The following GARIN5B variants were observed in gnomAD, a reference collection of about 807,000 sequenced individuals.
GARIN5B encodes golgi associated RAB2 interactor family member 5B, also known as Golgi-associated RAB2 interactor protein 5B.
chr19:55,357,865 C>G, the GARIN5B span, among the ~76,000 whole-genome samples: 2 of 152,126 alleles, frequency 1.3e-5, no homozygotes, highest in African/African-American at 4.8e-5. Context: ...ACCAGCCTGG[C>G]CAACATGGTG....
the GARIN5B span, chr19:55,363,022 G>T: frequency 6.7e-7 from 1 of 1,495,396 alleles, no homozygotes; most frequent in South Asian, 1.3e-5. The surrounding 1 kb of genome is among the most constrained non-coding windows in gnomAD (Gnocchi z 4.0). Context: ...ACTTCGGGGT[G>T]CCCTGGAGCG....
chr19:55,358,639 GC>G, the GARIN5B span: 1 of 1,551,352 alleles, frequency 6.4e-7, no homozygotes, highest in East Asian at 2.4e-5. Context: ...AGGACAGCTG[GC>G]CGGGGCGGGA....
the GARIN5B span, among the ~76,000 whole-genome samples, chr19:55,357,201 C>A: frequency 6.6e-6 from 1 of 152,168 alleles, no homozygotes; most frequent in Non-Finnish European, 1.5e-5. Context: ...GAAATGGGGT[C>A]TTTGTGGCCT....
the GARIN5B span, among the ~76,000 whole-genome samples, chr19:55,361,659 C>G: frequency 2.0e-5 from 1 of 49,818 alleles, no homozygotes; most frequent in African/African-American, 4.8e-5. Flanking sequence ...AGCCTCTCCT[C>G]CCTTGACTCA....
chr19:55,355,235 A>C, the GARIN5B span: 2 of 986,454 alleles, frequency 2.0e-6, no homozygotes, highest in South Asian at 1.6e-5. Context: ...GGTCTAAGGC[A>C]GATCTCCAGG....
chr19:55,363,038 A>G, the GARIN5B span: 1 of 1,498,828 alleles, frequency 6.7e-7, no homozygotes, highest in Non-Finnish European at 8.9e-7. This position sits in a 1 kb window ranked among gnomAD's most constrained non-coding sequence, Gnocchi z 4.0. Flanking sequence ...GAGCGGCTCA[A>G]GGCACCTCCT....
the GARIN5B span, chr19:55,359,927 C>T: frequency 6.4e-7 from 1 of 1,551,124 alleles, no homozygotes; most frequent in Non-Finnish European, 8.7e-7. Flanking sequence ...GTGTGAAGGG[C>T]TCTCAACCAC....
At chr19:55,361,068 G>A in the GARIN5B span, 46 of 1,550,964 alleles carry the variant, frequency 3.0e-5, no homozygotes, top group South Asian at 4.6e-4. Context: ...GCACAGAGTC[G>A]CCCACGGCCT....
the GARIN5B span, chr19:55,358,111 C>T: frequency 1.4e-6 from 2 of 1,424,550 alleles, no homozygotes; most frequent in Non-Finnish European, 9.2e-7. Flanking sequence ...AACAGCAGAG[C>T]TCACAGTAAA....
chr19:55,361,234 C>G, the GARIN5B span: 2 of 1,551,020 alleles, frequency 1.3e-6, no homozygotes, highest in Non-Finnish European at 1.7e-6. Flanking sequence ...GCTCAGCAAC[C>G]CTGACTGGGA....
the GARIN5B span, chr19:55,360,051 C>G: frequency 7.0e-7 from 1 of 1,424,634 alleles, no homozygotes; most frequent in African/African-American, 1.4e-5. Context: ...AGGGCAGACC[C>G]CTGCTCCCTC....
the GARIN5B span, chr19:55,363,256 G>C: frequency 3.9e-6 from 2 of 517,724 alleles, no homozygotes; most frequent in African/African-American, 4.0e-5. The surrounding 1 kb of genome is among the most constrained non-coding windows in gnomAD (Gnocchi z 4.0). Context: ...GGACAGCAGG[G>C]GTCTGGGGGA....
At chr19:55,362,116 C>T in the GARIN5B span, 4 of 1,273,418 alleles carry the variant, frequency 3.1e-6, no homozygotes, top group African/African-American at 3.1e-5. Context: ...GCCCCCAGCC[C>T]CTCCTCCCTC....
the GARIN5B span, chr19:55,363,096 G>A: frequency 6.8e-7 from 1 of 1,466,006 alleles, no homozygotes; most frequent in Non-Finnish European, 9.0e-7. This position sits in a 1 kb window ranked among gnomAD's most constrained non-coding sequence, Gnocchi z 4.0. Context: ...TACTGGTTTA[G>A]GGACCCAGAA....
chr19:55,360,075 A>G, the GARIN5B span: 1 of 1,178,096 alleles, frequency 8.5e-7, no homozygotes, highest in Non-Finnish European at 1.2e-6. Flanking sequence ...CCTCAGACTC[A>G]GGAGTCCAGG....
the GARIN5B span, chr19:55,361,180 C>T: frequency 2.1e-5 from 32 of 1,551,280 alleles, 1 homozygote; most frequent in South Asian, 3.7e-4. Flanking sequence ...TCACCTTGGC[C>T]TTCCTCTGTC....
the GARIN5B span, chr19:55,355,472 G>C: frequency 4.5e-6 from 4 of 890,254 alleles, no homozygotes; most frequent in Non-Finnish European, 7.0e-6. Context: ...CTTGCTGTGT[G>C]TTTGGCTCAC....
chr19:55,359,565 C>T, the GARIN5B span: 6 of 1,551,274 alleles, frequency 3.9e-6, no homozygotes, highest in Non-Finnish European at 4.4e-6. Flanking sequence ...GGAGCCAATC[C>T]AGGTGGGGGT....
chr19:55,356,046 C>T, the GARIN5B span, among the ~76,000 whole-genome samples: 1 of 151,704 alleles, frequency 6.6e-6, no homozygotes, highest in South Asian at 2.1e-4. Context: ...ATCACTTGAG[C>T]CCAGGAAGAT....
Sources: gnomAD v4.1 joint callset for allele counts (sites outside exome capture counted in the v4.1 genomes callset) on GRCh38, gnomAD v4.1.1 for gene constraint, Gnocchi (gnomAD v3.1) non-coding constraint, MANE v1.5 for transcripts, NCBI Gene and HGNC (gene_info 2026-07-23, HGNC 2026-07-21) for gene names.